CASK: variants seen among roughly 807,000 people sequenced by gnomAD.
CASK encodes the protein peripheral plasma membrane protein CASK.
CASK carries 4 observed loss-of-function variants against 82.9 expected under a neutral mutation model. The ratio of observed to expected loss-of-function variants is 0.05; its 90% confidence interval spans 0.02 to 0.11. The LOEUF is 0.11. CASK is among the 10% of genes least tolerant of loss of function. CASK has a pLI of 1.00. For synonymous variants in CASK, 259 were observed against 253.5 expected (o/e 1.02, Z -0.20); for missense variants, 358 against 720.9 (o/e 0.50, Z 5.76).
chrX:41,897,066 C>T (rs5964062), intron 1 of CASK, among the ~76,000 whole-genome samples: 113 of 111,342 alleles, frequency 1.0e-3, no homozygotes, highest in African/African-American at 3.4e-3. Flanking sequence ...ATCTGCAAAC[C>T]GAAAATTTTA....
chrX:41,604,690 T>C (rs1456682338), intron 12 of CASK, among the ~76,000 whole-genome samples: 1 of 111,884 alleles, frequency 8.9e-6, no homozygotes, highest in Non-Finnish European at 1.9e-5. Context: ...GATCTATACA[T>C]TTCATACGAA....
At chrX:41,670,517 C>G (rs1209145001) in intron 6 of CASK, among the ~76,000 whole-genome samples, 3 of 111,865 alleles carry the variant, frequency 2.7e-5, no homozygotes, top group African/African-American at 9.7e-5. Context: ...GAGGCTGAGG[C>G]AGGAGGACTG....
chrX:41,761,950 A>G (rs752971753), intron 3 of CASK, among the ~76,000 whole-genome samples: 81 of 112,282 alleles, frequency 7.2e-4, no homozygotes, highest in Non-Finnish European at 1.3e-3. Flanking sequence ...GTTCCTGTGA[A>G]ATGCAGGTAC....
At chrX:41,731,271 T>A (rs929168071) in intron 5 of CASK, among the ~76,000 whole-genome samples, 3 of 110,711 alleles carry the variant, frequency 2.7e-5, no homozygotes, top group African/African-American at 9.9e-5. Flanking sequence ...AATAGAAAAA[T>A]TAGCTGGACA....
intron 1 of CASK, among the ~76,000 whole-genome samples, chrX:41,869,946 A>C (rs1422278992): frequency 2.7e-5 from 3 of 109,816 alleles, no homozygotes; most frequent in Admixed American, 9.9e-5. Context: ...CCATGGAGAA[A>C]AACAAAAAGG....
At chrX:41,752,619 A>G (rs2068818115) in intron 3 of CASK, among the ~76,000 whole-genome samples, 1 of 111,778 alleles carries the variant, frequency 8.9e-6, no homozygotes, top group South Asian at 3.7e-4. Flanking sequence ...GATAATGAAA[A>G]GAGTACTATC....
intron 5 of CASK, chrX:41,675,701 A>T: frequency 1.9e-6 from 2 of 1,051,456 alleles, no homozygotes; most frequent in African/African-American, 3.6e-5. Flanking sequence ...AGCATGGATG[A>T]CAAATGGTCT....
At chrX:41,832,724 T>C (rs1045544330) in intron 2 of CASK, among the ~76,000 whole-genome samples, 1 of 112,523 alleles carries the variant, frequency 8.9e-6, no homozygotes, top group Non-Finnish European at 1.9e-5. Context: ...CACATGTGTA[T>C]TTCAGTTTAA....
At chrX:41,540,428 A>C (rs1382925893) in intron 22 of CASK, among the ~76,000 whole-genome samples, 1 of 112,627 alleles carries the variant, frequency 8.9e-6, no homozygotes, top group South Asian at 3.7e-4. Flanking sequence ...TAGACAGTAC[A>C]AGAATACTTG....
chrX:41,711,816 G>A (rs2067980994), intron 5 of CASK, among the ~76,000 whole-genome samples: 1 of 112,065 alleles, frequency 8.9e-6, no homozygotes, highest in Non-Finnish European at 1.9e-5. Context: ...GCCACACTGA[G>A]AGAGACAAAC....
chrX:41,727,978 A>G, intron 5 of CASK: 1 of 1,155,055 alleles, frequency 8.7e-7, no homozygotes, highest in Non-Finnish European at 1.2e-6. Context: ...AACATTCAAG[A>G]AGACACTATA....
intron 21 of CASK, among the ~76,000 whole-genome samples, chrX:41,549,451 G>A (rs1016231130): frequency 8.9e-6 from 1 of 111,942 alleles, no homozygotes; most frequent in African/African-American, 3.2e-5. Flanking sequence ...TAACAGTTCA[G>A]TTTTTTGGCA....
At position 41,923,235 on chromosome X, in the gene CASK, C is replaced by T. The variant is rs949615978; in HGVS notation, c.-247G>A. 1.9e-5 allele frequency: 2 copies of T among 106,418 alleles called. No homozygotes were observed. Among genetic ancestry groups the T allele is most frequent in the Non-Finnish European group, 3.9e-5 (2 of 50,918 alleles). The allele number at this position is 106,418 out of a possible 1,213,427, so 8.8% of individuals were successfully genotyped here. Reference sequence around the variant, plus strand: ...AGGGCGGCCCGGGCCCGGCGCCGCCCGCCCGCCCGCTGCTTCTCGCGCTGC... The same window carrying T: ...AGGGCGGCCCGGGCCCGGCGCCGCCTGCCCGCCCGCTGCTTCTCGCGCTGC... On this transcript the variant is annotated 5_prime_UTR_variant, in exon 1 of 27. Transcript: ENST00000378163.
chrX:41,652,552 G>A (rs377077364), intron 8 of CASK, among the ~76,000 whole-genome samples: 30 of 111,647 alleles, frequency 2.7e-4, no homozygotes, highest in Non-Finnish European at 1.9e-4. Flanking sequence ...GAAAGACCAA[G>A]GAGGGATGAG....
At chrX:41,524,451 A>T (rs2064682087) in intron 25 of CASK, 2 of 167,197 alleles carry the variant, frequency 1.2e-5, no homozygotes, top group South Asian at 2.2e-4. Flanking sequence ...CTCACATTTC[A>T]AATTTCAAAT....
At chrX:41,578,921 TTTAAAACG>T (rs2065523625) in intron 14 of CASK, among the ~76,000 whole-genome samples, 1 of 112,376 alleles carries the variant, frequency 8.9e-6, no homozygotes, top group African/African-American at 3.2e-5. Flanking sequence ...AAATAGATTT[TTTAAAACG>T]TAAGTGAATA....
intron 3 of CASK, among the ~76,000 whole-genome samples, chrX:41,781,036 G>T (rs751167119): frequency 9.0e-6 from 1 of 110,984 alleles, no homozygotes; most frequent in Non-Finnish European, 1.9e-5. Flanking sequence ...TGCCTCTGTG[G>T]CTCAAGTAAT....
chrX:41,538,592 A>G (rs2064907087), intron 22 of CASK, among the ~76,000 whole-genome samples: 1 of 111,685 alleles, frequency 9.0e-6, no homozygotes, highest in Non-Finnish European at 1.9e-5. Flanking sequence ...ACCATAATCA[A>G]ATCTATTCCC....
intron 12 of CASK, among the ~76,000 whole-genome samples, chrX:41,604,117 T>C (rs1468660163): frequency 9.2e-6 from 1 of 109,183 alleles, no homozygotes; most frequent in Non-Finnish European, 1.9e-5. Context: ...GCATAATTAA[T>C]GGATGACAGG....
Sources: allele counts gnomAD v4.1 joint callset (sites outside exome capture counted in the v4.1 genomes callset), GRCh38; gene constraint gnomAD v4.1.1; transcripts MANE v1.5; gene names NCBI Gene and HGNC (gene_info 2026-07-23, HGNC 2026-07-21).